The following HMGXB3 variants were observed in gnomAD, a reference collection of about 807,000 sequenced individuals.
HMGXB3 encodes the protein HMG domain-containing protein 3.
A neutral mutation model predicts 121.5 loss-of-function variants in HMGXB3; 45 were observed. The ratio of observed to expected loss-of-function variants is 0.37; its 90% CI spans 0.29 to 0.47. The LOEUF (loss-of-function observed/expected upper bound fraction) is 0.47, where lower values mean the gene tolerates loss of function less well. Ranked by LOEUF, HMGXB3 falls within the 20% of genes least tolerant of loss-of-function variation. The pLI, the probability that HMGXB3 is intolerant of heterozygous loss-of-function variation, is 0.99. For synonymous variants in HMGXB3, 590 were observed against 624.1 expected (o/e 0.95, Z 0.81); for missense variants, 1,376 against 1,602.2 (o/e 0.86, Z 2.41).
intron 4 of HMGXB3, among the ~76,000 whole-genome samples, chr5:150,011,697 C>T (rs556559666): frequency 5.3e-5 from 8 of 151,102 alleles, no homozygotes; most frequent in South Asian, 4.2e-4. Context: ...CTCCACCTCC[C>T]GGGTTCAAGA....
At chr5:150,040,248 C>A (rs1419802487) in intron 13 of HMGXB3, among the ~76,000 whole-genome samples, 1 of 151,906 alleles carries the variant, frequency 6.6e-6, no homozygotes, top group Non-Finnish European at 1.5e-5. Context: ...GTTAGATCTA[C>A]TTCTTTTTAA....
chr5:150,041,945 T>A lies in HMGXB3; in HGVS notation c.2706T>A (p.Asn902Lys). The A allele has an allele frequency of 6.4e-7, 1 of 1,551,602 alleles. No homozygotes were observed. The highest frequency in any genetic ancestry group is 8.7e-7 in the Non-Finnish European group (1 of 1,146,920). Residue 902 changes from asparagine to lysine, a missense_variant, in exon 15 of 20, where the codon AAT (asparagine) becomes AAA (lysine). By Grantham distance (94) the Asn-to-Lys change is moderately conservative. Around this residue, in one of 2 missense-constraint regions of HMGXB3, gnomAD observed 1,116 missense variants for 1,369.0 expected, o/e 0.82. Transcript: ENST00000502717. ...KVEMAQRSEE[N>K]VLALKSVEFT... is the part of the protein sequence containing the mutation. ...AAATGGCTCAGAGGAGTGAAGAGAATGTGCTAGCACTGAAGAGCGTGGAGG... is the reference window on the plus strand; with the variant it reads ...AAATGGCTCAGAGGAGTGAAGAGAAAGTGCTAGCACTGAAGAGCGTGGAGG...
chr5:150,042,830 A>C (rs1484077247), intron 15 of HMGXB3, among the ~76,000 whole-genome samples: 1 of 152,250 alleles, frequency 6.6e-6, no homozygotes, highest in African/African-American at 2.4e-5. Context: ...ATTAGAACAA[A>C]TATCCAAGAA....
Position 150,003,607 on chromosome 5 carries a change from TA to T in HMGXB3, c.-2-1234del, listed in dbSNP as rs931401615. 1.0e-4 allele frequency among the ~76,000 whole-genome samples: 15 copies of T among 144,806 alleles called. No individual in the cohort carries two copies. In the South Asian group the frequency reaches 1.6e-3, roughly 15 times the overall value. 95.0% of individuals were successfully genotyped at this position (144,806 alleles called of 152,430 possible). On this transcript the variant is annotated intron_variant, in intron 1 of 19. Coordinates refer to ENST00000502717, the MANE Select transcript of HMGXB3 (RefSeq NM_014983.3). ...TATTATTTTTTAAATTATATAAAAT[TA>T]AAAAAAAAACTTAATGAACTCTTCC...
intron 14 of HMGXB3, among the ~76,000 whole-genome samples, chr5:150,041,350 G>A (rs1756630065): frequency 6.6e-6 from 1 of 152,184 alleles, no homozygotes; most frequent in Non-Finnish European, 1.5e-5. Flanking sequence ...TACCTGCTGT[G>A]AGAACAGATG....
At position 150,037,499 on chromosome 5, in the gene HMGXB3, C is replaced by G; in HGVS notation, c.2385C>G (p.Ala795=). Residue 795 remains alanine (A), a synonymous_variant, in exon 13 of 20, where the codon GCC becomes GCG. Coordinates refer to ENST00000502717, the MANE Select transcript of HMGXB3 (RefSeq NM_014983.3). ...VKMCLNPHCL[A]LHSFIDIYTG... ...TGTGTCTGAACCCCCATTGTCTGGC[C>G]CTGCACAGCTTCATAGACATCTACA... 1 of 1,523,382 alleles carries G rather than the reference C, an allele frequency of 6.6e-7. No homozygotes were observed. The highest frequency in any genetic ancestry group is 8.8e-7 in the Non-Finnish European group (1 of 1,130,294). 94.4% of individuals were successfully genotyped at this position (1,523,382 alleles called of 1,614,324 possible).
At chr5:150,014,952 C>A in intron 5 of HMGXB3, 1 of 946,988 alleles carries the variant, frequency 1.1e-6, no homozygotes, top group Non-Finnish European at 1.4e-6. Context: ...TTCCCATATT[C>A]TCTTAAAAAT....
chr5:150,052,230 C>G lies in HMGXB3; in HGVS notation c.*38C>G. 6.9e-7 allele frequency: 1 copy of G among 1,456,162 alleles called. No homozygotes were observed. Among genetic ancestry groups the G allele is most frequent in the Non-Finnish European group, 9.3e-7 (1 of 1,080,356 alleles). The allele number at this position is 1,456,162 out of a possible 1,614,324, so 90.2% of individuals were successfully genotyped here. ...TACAGGGACTACACCATCTCTCAAGCCATAGTAAGGCCCTTGCCTGAGGCA... is the reference window on the plus strand; with the variant it reads ...TACAGGGACTACACCATCTCTCAAGGCATAGTAAGGCCCTTGCCTGAGGCA... On this transcript the variant is annotated 3_prime_UTR_variant, in exon 20 of 20. Coordinates refer to ENST00000502717, the MANE Select transcript of HMGXB3 (RefSeq NM_014983.3).
In HMGXB3 at chr5:150,010,483, C is replaced by T. The variant is rs895067826; in HGVS notation, c.685C>T (p.Pro229Ser). The T allele has an allele frequency of 6.4e-7, 1 of 1,551,570 alleles. No homozygotes were observed. The highest frequency in any genetic ancestry group is 1.4e-5 in the African/African-American group (1 of 73,046). ...ASLEVGESHQ[P>S]YQTSLVIEET... ...CCTAGAAGTAGGGGAGAGCCACCAA[C>T]CTTACCAGACAAGCCTGGTAATTGA... Residue 229 changes from proline to serine, a missense_variant, in exon 4 of 20, where the codon CCT becomes TCT. Physicochemically the swap from Pro to Ser is moderately conservative, Grantham distance 74 (BLOSUM62 -1). Transcript: ENST00000502717.
intron 9 of HMGXB3, among the ~76,000 whole-genome samples, chr5:150,027,456 A>G (rs1756258794): frequency 6.6e-6 from 1 of 152,118 alleles, no homozygotes; most frequent in Admixed American, 6.5e-5. Context: ...GTGTCCCCCC[A>G]CCATATGTGG....
Position 150,010,483 on chromosome 5 carries a change from C to A in HMGXB3, c.685C>A (p.Pro229Thr). The change falls in exon 4 of 20, where the codon CCT becomes ACT. Residue 229 changes from proline to threonine, a missense_variant. Physicochemically the swap from Pro to Thr is conservative, Grantham distance 38 (BLOSUM62 -1). Around this residue, in one of 2 missense-constraint regions of HMGXB3, gnomAD observed 1,116 missense variants for 1,369.0 expected, o/e 0.82. Coordinates refer to ENST00000502717, the MANE Select transcript of HMGXB3 (RefSeq NM_014983.3). ...ASLEVGESHQ[P>T]YQTSLVIEET... ...CCTAGAAGTAGGGGAGAGCCACCAA[C>A]CTTACCAGACAAGCCTGGTAATTGA... 3 of 1,551,688 alleles carry A rather than the reference C, an allele frequency of 1.9e-6. No homozygotes were observed. The highest frequency in any genetic ancestry group is 2.6e-6 in the Non-Finnish European group (3 of 1,147,002).
At chr5:150,005,354 G>A (rs1343534807) in intron 2 of HMGXB3, among the ~76,000 whole-genome samples, 5 of 152,282 alleles carry the variant, frequency 3.3e-5, no homozygotes, top group African/African-American at 9.6e-5. Flanking sequence ...AATCCCAGCA[G>A]TTTGGAAGGC....
At chr5:150,030,489 T>A (rs1756346252) in intron 9 of HMGXB3, 1 of 414,930 alleles carries the variant, frequency 2.4e-6, no homozygotes, top group Non-Finnish European at 4.4e-6. Context: ...GTAGTAGTTG[T>A]AAATCTGATT....
chr5:150,021,848 G>C (rs1364045736), intron 6 of HMGXB3: 2 of 510,674 alleles, frequency 3.9e-6, no homozygotes, highest in Admixed American at 3.9e-5. Context: ...GTTGCAGCTC[G>C]TTAGAGTGAT....
chr5:150,031,514 C>T (rs900454781), intron 10 of HMGXB3, among the ~76,000 whole-genome samples: 2 of 152,358 alleles, frequency 1.3e-5, no homozygotes, highest in Middle Eastern at 3.4e-3. Flanking sequence ...TCCTCAGTTT[C>T]ACTATCTGTA....
intron 9 of HMGXB3, among the ~76,000 whole-genome samples, chr5:150,027,449 TC>T (rs1756258551): frequency 1.3e-5 from 2 of 152,164 alleles, no homozygotes; most frequent in African/African-American, 2.4e-5. Context: ...TTCATGTGTG[TC>T]CCCCCACCAT....
Position 150,052,062 on chromosome 5 carries a change from A to T in HMGXB3, c.3749A>T (p.Asp1250Val). The T allele has an allele frequency of 1.9e-6, 3 of 1,551,924 alleles. No individual in the cohort carries two copies. The highest frequency in any genetic ancestry group is 2.6e-6 in the Non-Finnish European group (3 of 1,147,054). Residue 1250 changes from aspartate to valine, a missense_variant, in exon 20 of 20, where the codon GAC becomes GTC. Transcript: ENST00000502717. ...GAAATTGTCAATCGTCAGATCCATG[A>T]CATTGTACAGAGCTGCCAGCCTGGT... ...SREIVNRQIH[D>V]IVQSCQPGEV...
intron 2 of HMGXB3, among the ~76,000 whole-genome samples, chr5:150,005,428 C>T (rs1168326578): frequency 1.3e-5 from 2 of 151,812 alleles, no homozygotes; most frequent in Admixed American, 6.6e-5. Context: ...GGAGAAACCC[C>T]GTCTCTACTA....
chr5:150,018,202 T>G (rs964192492), intron 5 of HMGXB3, among the ~76,000 whole-genome samples: 3 of 152,196 alleles, frequency 2.0e-5, no homozygotes, highest in Non-Finnish European at 4.4e-5. Context: ...GGCAAAGCAT[T>G]TAAACCTCAG....
Sources: gnomAD v4.1 joint callset for allele counts (sites outside exome capture counted in the v4.1 genomes callset) on GRCh38, gnomAD v4.1.1 for gene constraint, gnomAD v4.1.1 regional missense constraint, MANE v1.5 for transcripts, NCBI Gene and HGNC (gene_info 2026-07-23, HGNC 2026-07-21) for gene names.